The following FOXP2 variants were observed in gnomAD, a reference collection of about 807,000 sequenced individuals.
FOXP2 encodes forkhead box P2.
In FOXP2, 12 loss-of-function variants were observed where a neutral mutation model predicts 115.8. That is an observed-to-expected ratio of 0.10 (90% CI 0.07 to 0.17). The LOEUF (loss-of-function observed/expected upper bound fraction) is 0.17, where lower values mean the gene tolerates loss of function less well. Among genes scored for constraint, FOXP2 ranks in the 10% least tolerant of loss-of-function variants. The probability of loss-of-function intolerance (pLI) is 1.00; values close to 1 mark genes in which losing one functional copy is unlikely to be tolerated. For synonymous variants in FOXP2, 328 were observed against 297.7 expected (o/e 1.10, Z -1.05); for missense variants, 629 against 843.5 (o/e 0.75, Z 3.15).
chr7:114,158,858 T>G (rs138900181), upstream of FOXP2, among the ~76,000 whole-genome samples: 2 of 152,222 alleles, frequency 1.3e-5, no homozygotes, highest in East Asian at 3.9e-4. Flanking sequence ...GTTGGTTGTT[T>G]CCTTGGTCTG....
chr7:114,554,261 A>G (rs941805808), intron 3 of FOXP2, among the ~76,000 whole-genome samples: 1 of 152,122 alleles, frequency 6.6e-6, no homozygotes, highest in Non-Finnish European at 1.5e-5. Context: ...GTGTGATATG[A>G]TTTGTCTTGC....
chr7:114,544,377 G>A (rs1799819926), intron 3 of FOXP2, among the ~76,000 whole-genome samples: 1 of 152,076 alleles, frequency 6.6e-6, no homozygotes, highest in Admixed American at 6.6e-5. Context: ...ACATCAAGCT[G>A]TGGCTAAAGT....
intron 2 of FOXP2, among the ~76,000 whole-genome samples, chr7:114,318,375 C>G (rs1223892488): frequency 1.1e-5 from 1 of 90,038 alleles, no homozygotes; most frequent in African/African-American, 4.6e-5. Flanking sequence ...TGATGTCTCT[C>G]TTTGTTTTTT....
At chr7:114,178,689 G>A (rs915527954) in intron 1 of FOXP2, among the ~76,000 whole-genome samples, 2 of 151,918 alleles carry the variant, frequency 1.3e-5, no homozygotes, top group Admixed American at 1.3e-4. Flanking sequence ...TATTAGTAAG[G>A]TAGGTCAGCA....
At position 114,686,785 on chromosome 7, in the gene FOXP2, C is replaced by T. The variant is rs185280923; in HGVS notation, c.2004-2997C>T. 3.2e-3 allele frequency among the ~76,000 whole-genome samples: 484 copies of T among 151,894 alleles called. 2 individuals are homozygous for T. Among genetic ancestry groups the T allele is most frequent in the African/African-American group, 0.011 (453 of 41,452 alleles). ...CAAAGTTATTAAAATATTCTGAGCA[C>T]GTATACTTTTTAATATAATTATTTT... On this transcript the variant is annotated intron_variant, in intron 16 of 16. Transcript: ENST00000350908.
At chr7:114,317,645 T>A (rs1345226331) in intron 2 of FOXP2, among the ~76,000 whole-genome samples, 1 of 152,094 alleles carries the variant, frequency 6.6e-6, no homozygotes, top group Non-Finnish European at 1.5e-5. Flanking sequence ...AGCACAGCAG[T>A]TAAAGAGATT....
chr7:114,146,444 G>T (rs532227176), intron 1 of FOXP2, among the ~76,000 whole-genome samples: 4 of 152,304 alleles, frequency 2.6e-5, no homozygotes, highest in Admixed American at 1.3e-4. Flanking sequence ...TATAGAATTA[G>T]TGAGTGGATA....
intron 3 of FOXP2, among the ~76,000 whole-genome samples, chr7:114,547,271 A>G (rs1455801548): frequency 6.6e-6 from 1 of 152,042 alleles, no homozygotes; most frequent in Non-Finnish European, 1.5e-5. Flanking sequence ...TTCTTTGATT[A>G]TATCTTCTGT....
At chr7:114,293,334 T>C (rs1008165837) in intron 2 of FOXP2, among the ~76,000 whole-genome samples, 3 of 152,174 alleles carry the variant, frequency 2.0e-5, no homozygotes, top group African/African-American at 7.2e-5. Flanking sequence ...GTCTCTCCCA[T>C]TCTTTCAAAT....
At chr7:114,423,522 A>G (rs1793707514) in intron 1 of FOXP2, among the ~76,000 whole-genome samples, 1 of 151,644 alleles carries the variant, frequency 6.6e-6, no homozygotes, top group Non-Finnish European at 1.5e-5. Flanking sequence ...CTTACAGTTC[A>G]GACAAACATT....
intron 2 of FOXP2, among the ~76,000 whole-genome samples, chr7:114,301,858 A>G (rs1796886436): frequency 6.6e-6 from 1 of 152,114 alleles, no homozygotes; most frequent in Admixed American, 6.6e-5. Flanking sequence ...GACTTCCAGA[A>G]CTTGGCATTT....
At chr7:114,332,129 T>C (rs752394888) in intron 2 of FOXP2, among the ~76,000 whole-genome samples, 60 of 152,248 alleles carry the variant, frequency 3.9e-4, no homozygotes, top group Non-Finnish European at 7.1e-4. Context: ...TGTGTGTGTG[T>C]GCGTGTGTGT....
intron 2 of FOXP2, among the ~76,000 whole-genome samples, chr7:114,398,593 A>G (rs1474927218): frequency 6.6e-6 from 1 of 152,238 alleles, no homozygotes; most frequent in Admixed American, 6.5e-5. Context: ...ATTACAAACA[A>G]TAATGCCATA....
At chr7:114,684,951 G>T (rs1306842947) in intron 16 of FOXP2, among the ~76,000 whole-genome samples, 2 of 151,022 alleles carry the variant, frequency 1.3e-5, no homozygotes, top group Non-Finnish European at 2.9e-5. Flanking sequence ...CTAGTTCAAT[G>T]AACCATTTAT....
Position 114,220,712 on chromosome 7 carries a change from C to G in FOXP2, c.-102+57624C>G, listed in dbSNP as rs548331497. On this transcript the variant is annotated intron_variant, in intron 1 of 17. Transcript: ENST00000634411. ...CAAGAATTTTTTAGTCAAAGAAACA[C>G]CACCACTTTCATCACTATTACCATA... 2.1e-4 allele frequency among the ~76,000 whole-genome samples: 32 copies of G among 152,212 alleles called. 1 individual carries two copies. The highest frequency in any genetic ancestry group is 6.7e-4 in the African/African-American group (28 of 41,528).
At chr7:114,240,398 A>T (rs762401089) in intron 1 of FOXP2, among the ~76,000 whole-genome samples, 1 of 152,096 alleles carries the variant, frequency 6.6e-6, no homozygotes, top group Non-Finnish European at 1.5e-5. Flanking sequence ...CAGATTTTAG[A>T]TCAATATAGA....
At chr7:114,271,702 A>C (rs1796052778) in intron 1 of FOXP2, among the ~76,000 whole-genome samples, 1 of 116,862 alleles carries the variant, frequency 8.6e-6, no homozygotes, top group South Asian at 2.3e-4. Context: ...TATATTTAAT[A>C]TATTATTTAA....
intron 2 of FOXP2, among the ~76,000 whole-genome samples, chr7:114,386,535 TA>T (rs1464822451): frequency 2.0e-5 from 3 of 152,204 alleles, no homozygotes; most frequent in Non-Finnish European, 4.4e-5. Flanking sequence ...CACAAGATTG[TA>T]GTGGAAGGAG....
intron 3 of FOXP2, among the ~76,000 whole-genome samples, chr7:114,574,231 G>A (rs1297362058): frequency 6.6e-6 from 1 of 151,636 alleles, no homozygotes; most frequent in Non-Finnish European, 1.5e-5. Flanking sequence ...TCCTTCGATT[G>A]TATATTCACT....
Sources: gnomAD v4.1 joint callset for allele counts (sites outside exome capture counted in the v4.1 genomes callset) on GRCh38, gnomAD v4.1.1 for gene constraint, MANE v1.5 for transcripts, NCBI Gene and HGNC (gene_info 2026-07-23, HGNC 2026-07-21) for gene names.